SLC12A9: variants seen among roughly 807,000 people sequenced by gnomAD.
SLC12A9 encodes the protein CCC-interacting protein 1.
Under a neutral mutation model 66.0 loss-of-function variants are expected in SLC12A9, and 55 were observed. The observed-to-expected ratio is 0.83, with a 90% CI of 0.67 to 1.04. The LOEUF (loss-of-function observed/expected upper bound fraction) is 1.04. Among genes scored for constraint, SLC12A9 ranks in the 50% least tolerant of loss-of-function variants. SLC12A9 has a pLI of 0.00. For missense variants in SLC12A9, 1,061 were observed against 1,241.9 expected, an observed-to-expected ratio of 0.85 and a Z score of 2.19; for synonymous variants, 577 against 569.0, an observed-to-expected ratio of 1.01 and a Z score of -0.20.
upstream of SLC12A9, among the ~76,000 whole-genome samples, chr7:100,851,707 C>G (rs1485465034): frequency 7.1e-6 from 1 of 140,702 alleles, no homozygotes; most frequent in Non-Finnish European, 1.5e-5. Context: ...CAGGAGGATG[C>G]TTGAGCCGGA....
intron 2 of SLC12A9, 92 bp from the exon 3 acceptor site, chr7:100,854,528 C>A (rs1477528527): frequency 6.3e-7 from 1 of 1,597,524 alleles, no homozygotes; most frequent in Non-Finnish European, 8.5e-7. Flanking sequence ...TGTGGGCTTG[C>A]ATTTAGCTCC....
At position 100,866,204 on chromosome 7, in the gene SLC12A9, G is replaced by A. The variant is rs763088775; in HGVS notation, c.2344G>A (p.Glu782Lys). The change falls in exon 14 of 14, where the codon GAG becomes AAG. Residue 782 changes from glutamate to lysine, a missense_variant. Coordinates refer to ENST00000354161, the MANE Select transcript of SLC12A9 (RefSeq NM_020246.4). This position sits in a 1 kb window ranked among gnomAD's most constrained non-coding sequence, Gnocchi z 7.3. ...GCCTCGGGAGGCGCCTGGGGCGGCC[G>A]AGGGGCGGCTGCGGGCACTGCTGAG... ...LGPREAPGAA[E>K]GRLRALLSQL... 97 of 1,610,772 alleles carry A rather than the reference G, an allele frequency of 6.0e-5. No homozygotes were observed. The highest frequency in any genetic ancestry group is 7.3e-5 in the Non-Finnish European group (86 of 1,179,062).
rs144461043 is a variant in SLC12A9 at position 100,856,015 on chromosome 7, C to T, written c.448+178C>T. ...AGATATGGACATCCCTGAGATTGTC[C>T]TTGCCTGCAGGGAGCTAACCATCTA... On this transcript the variant is annotated intron_variant, in intron 4 of 13. Coordinates refer to ENST00000354161, the MANE Select transcript of SLC12A9 (RefSeq NM_020246.4). 1.9e-4 allele frequency: 188 copies of T among 972,338 alleles called. 4 individuals are homozygous for T. The East Asian group carries it at 6.1e-3, about 32-fold the overall frequency. The allele number at this position is 972,338 out of a possible 1,614,324, so 60.2% of individuals were successfully genotyped here. A position where few individuals can be genotyped will look rare whatever the true frequency, so the allele number is the denominator to read the frequency against.
chr7:100,828,610 A>T (rs76735686), intron 1 of SLC12A9, among the ~76,000 whole-genome samples: 1 of 149,856 alleles, frequency 6.7e-6, no homozygotes, highest in African/African-American at 2.5e-5. Flanking sequence ...GGGTCCGGCT[A>T]GATCTCCAAA....
At chr7:100,850,413 A>T (rs540744316), upstream of SLC12A9, among the ~76,000 whole-genome samples, 2 of 146,268 alleles carry the variant, frequency 1.4e-5, no homozygotes, top group African/African-American at 2.5e-5. Flanking sequence ...AGCTGATTTT[A>T]AAAAAAAATT....
chr7:100,866,611 C>T lies in SLC12A9; in HGVS notation c.*6C>T, dbSNP rs1384756610. The stretch of plus-strand genomic sequence containing the variant: ...TCACCTGCACTGATCTGTGATGCCC[C>T]TGCCTCCAGGGCTAGGTAGAGAGGG... On this transcript the variant is annotated 3_prime_UTR_variant, in exon 14 of 14. Transcript: ENST00000354161. This position sits in a 1 kb window ranked among gnomAD's most constrained non-coding sequence, Gnocchi z 7.3. 1 of 1,549,520 alleles carries T rather than the reference C, an allele frequency of 6.5e-7. No homozygotes were observed. The highest frequency in any genetic ancestry group is 8.7e-7 in the Non-Finnish European group (1 of 1,145,642).
At position 100,858,853 on chromosome 7, in the gene SLC12A9, A is replaced by G. The variant is rs530739144; in HGVS notation, c.776A>G (p.Tyr259Cys). 1 of 1,614,156 alleles carries G rather than the reference A, an allele frequency of 6.2e-7. No homozygotes were observed. The highest frequency in any genetic ancestry group is 1.1e-5 in the South Asian group (1 of 91,080). Reference protein sequence around the residue: ...DNLGAGYAEDYTTGAVMNFAS... With the variant: ...DNLGAGYAEDCTTGAVMNFAS... ...CTCCTAGCTGGCTATGCTGAGGACT[A>G]CACCACGGGAGCCGTGATGAATTTT... The change falls in exon 6 of 14, where the codon TAC becomes TGC. Residue 259 changes from tyrosine (Y) to cysteine (C), a missense_variant. Transcript: ENST00000354161.
intron 1 of SLC12A9, among the ~76,000 whole-genome samples, chr7:100,827,826 C>T (rs889486827): frequency 1.1e-4 from 17 of 152,170 alleles, no homozygotes; most frequent in Admixed American, 6.5e-5. Context: ...CCGGGACAGG[C>T]CCGAACCCGG....
chr7:100,845,857 A>G (rs1160124141), intron 1 of SLC12A9, among the ~76,000 whole-genome samples: 3 of 152,240 alleles, frequency 2.0e-5, no homozygotes, highest in Non-Finnish European at 2.9e-5. Context: ...CCCCATTTAT[A>G]TAATCAACTG....
chr7:100,862,022 C>A (rs1309794440), intron 12 of SLC12A9, 111 bp downstream of exon 12: 6 of 1,201,734 alleles, frequency 5.0e-6, no homozygotes, highest in Non-Finnish European at 6.8e-6. Flanking sequence ...TGCAGTGGGA[C>A]GATCTTGGCT....
intron 1 of SLC12A9, among the ~76,000 whole-genome samples, chr7:100,840,967 G>A (rs1322804960): frequency 6.6e-6 from 1 of 151,438 alleles, no homozygotes; most frequent in East Asian, 1.9e-4. Flanking sequence ...CATTCAGTCT[G>A]TAGCGGCAAC....
intron 4 of SLC12A9, 160 bp from the exon 5 acceptor site, chr7:100,856,708 C>G: frequency 1.4e-6 from 1 of 696,508 alleles, no homozygotes; most frequent in Non-Finnish European, 2.3e-6. Context: ...GCTGGGGTTT[C>G]ACAATGTTGC....
chr7:100,859,859 C>T (rs746798008), intron 7 of SLC12A9, 26 bp from the exon 8 acceptor site: 11 of 1,582,430 alleles, frequency 7.0e-6, no homozygotes, highest in African/African-American at 2.7e-5. Context: ...CATGATCATC[C>T]GTGTCCTCCT....
chr7:100,846,649 G>A (rs1813923534), intron 1 of SLC12A9, among the ~76,000 whole-genome samples: 1 of 151,998 alleles, frequency 6.6e-6, no homozygotes, highest in South Asian at 2.1e-4. Context: ...CTATCGATCT[G>A]TCGTGCAAGA....
At chr7:100,859,193 A>G (rs1227350000) in intron 7 of SLC12A9, 32 bp downstream of exon 7, 1 of 1,598,488 alleles carries the variant, frequency 6.3e-7, no homozygotes, top group African/African-American at 1.3e-5. Flanking sequence ...TGGAGTGTCG[A>G]ACAAGATTGG....
chr7:100,863,907 C>T (rs1814916510), intron 13 of SLC12A9, among the ~76,000 whole-genome samples: 1 of 152,194 alleles, frequency 6.6e-6, no homozygotes, highest in Non-Finnish European at 1.5e-5. Context: ...GCAAGATCAG[C>T]TGGAATTCAC....
At chr7:100,855,681 T>G in intron 3 of SLC12A9, 25 bp from the exon 4 acceptor site, 3 of 1,613,894 alleles carry the variant, frequency 1.9e-6, no homozygotes, top group Non-Finnish European at 2.5e-6. Context: ...TTTCCCTTAA[T>G]GCTCACCCCT....
At chr7:100,841,785 T>C (rs1813797111) in intron 1 of SLC12A9, among the ~76,000 whole-genome samples, 1 of 152,088 alleles carries the variant, frequency 6.6e-6, no homozygotes, top group Middle Eastern at 3.4e-3. Flanking sequence ...GTAAAAAAAA[T>C]TTGGCTTTCT....
chr7:100,828,954 A>G (rs1475561753), intron 1 of SLC12A9, among the ~76,000 whole-genome samples: 3 of 152,032 alleles, frequency 2.0e-5, no homozygotes, highest in Non-Finnish European at 4.4e-5. Flanking sequence ...GCAGAAGGAA[A>G]GGACTTAGAC....
Sources: allele counts gnomAD v4.1 joint callset (sites outside exome capture counted in the v4.1 genomes callset), GRCh38; gene constraint gnomAD v4.1.1; non-coding constraint Gnocchi (gnomAD v3.1); transcripts MANE v1.5; gene names NCBI Gene and HGNC (gene_info 2026-07-23, HGNC 2026-07-21).